CTNND2: variants seen among roughly 807,000 people sequenced by gnomAD.
CTNND2 encodes catenin delta 2, also known as catenin delta-2.
A neutral mutation model predicts 144.4 loss-of-function variants in CTNND2; 22 were observed. The ratio of observed to expected loss-of-function variants is 0.15; its 90% confidence interval spans 0.11 to 0.22. The LOEUF (loss-of-function observed/expected upper bound fraction) is 0.22, where lower values mean the gene tolerates loss of function less well. CTNND2 is among the 10% of genes least tolerant of loss of function. The pLI, the probability that CTNND2 is intolerant of heterozygous loss-of-function variation, is 1.00. For missense variants in CTNND2, 1,353 were observed against 1,618.8 expected, an observed-to-expected ratio of 0.84 and a Z score of 2.82; for synonymous variants, 751 against 695.6, an observed-to-expected ratio of 1.08 and a Z score of -1.25.
At chr5:11,729,240 T>C (rs1206745398) in intron 2 of CTNND2, among the ~76,000 whole-genome samples, 1 of 152,136 alleles carries the variant, frequency 6.6e-6, no homozygotes, top group Non-Finnish European at 1.5e-5. Flanking sequence ...AATACATTTT[T>C]TAATTCCTCA....
intron 2 of CTNND2, among the ~76,000 whole-genome samples, chr5:11,599,066 A>T (rs1109298): frequency 0.5 from 75,382 of 151,906 alleles, 19,591 homozygotes; most frequent in Middle Eastern, 0.7. Context: ...TCAGATGTCA[A>T]GAGAACTCTA....
intron 9 of CTNND2, among the ~76,000 whole-genome samples, chr5:11,250,838 A>T (rs926720377): frequency 2.6e-5 from 4 of 152,110 alleles, no homozygotes; most frequent in Non-Finnish European, 5.9e-5. Context: ...ATAATTTAAA[A>T]TGAGGTAGAG....
chr5:11,025,109 A>AT (rs61750358), intron 16 of CTNND2, among the ~76,000 whole-genome samples: 4,809 of 152,174 alleles, frequency 0.032, 122 homozygotes, highest in East Asian at 0.093. Context: ...GCAATTGGAG[A>AT]TTTTTCATTA....
chr5:11,071,546 T>C (rs1371832515), intron 16 of CTNND2, among the ~76,000 whole-genome samples: 3 of 148,674 alleles, frequency 2.0e-5, no homozygotes, highest in East Asian at 2.0e-4. Context: ...TGAGACCCTG[T>C]CTTCAAAAAT....
At chr5:11,040,279 C>T (rs1018347249) in intron 16 of CTNND2, among the ~76,000 whole-genome samples, 3 of 151,962 alleles carry the variant, frequency 2.0e-5, no homozygotes, top group Non-Finnish European at 4.4e-5. Flanking sequence ...AAGCACAGAC[C>T]TGTAGCACAT....
intron 11 of CTNND2, among the ~76,000 whole-genome samples, chr5:11,162,634 A>G (rs912282615): frequency 1.3e-5 from 2 of 152,098 alleles, no homozygotes; most frequent in African/African-American, 4.8e-5. Flanking sequence ...ATGAATCTCT[A>G]TCAAGCAACT....
In CTNND2 at chr5:11,412,047, A is replaced by C. The variant is rs747520590; in HGVS notation, c.310T>G (p.Trp104Gly). The change falls in exon 4 of 22, where the codon TGG becomes GGG. Residue 104 changes from tryptophan to glycine, a missense_variant. Around this residue, in one of 4 missense-constraint regions of CTNND2, gnomAD observed 708 missense variants for 706.4 expected, o/e 1.00. Coordinates refer to ENST00000304623, the MANE Select transcript of CTNND2 (RefSeq NM_001332.4). ...SMSSAEEQFQWQSQDGQKDIE... is the reference protein window; with the variant it reads ...SMSSAEEQFQGQSQDGQKDIE... Reference sequence around the variant, plus strand: ...AGATAGACATTACCTTGTGACTGCCACTGAAACTGCTCTTCTGCTGAACTG... The same window carrying C: ...AGATAGACATTACCTTGTGACTGCCCCTGAAACTGCTCTTCTGCTGAACTG... 4 of 1,611,186 alleles carry C rather than the reference A, an allele frequency of 2.5e-6. No individual in the cohort carries two copies. In the African/African-American group the frequency reaches 5.3e-5, roughly 22 times the overall value.
intron 5 of CTNND2, 76 bp from the exon 6 acceptor site, chr5:11,397,279 T>G: frequency 1.6e-6 from 2 of 1,220,844 alleles, no homozygotes; most frequent in East Asian, 2.5e-5. Context: ...TTATTGAGAG[T>G]AGCCTAGAAT....
chr5:11,766,770 A>G (rs1213781689), intron 1 of CTNND2, among the ~76,000 whole-genome samples: 2 of 152,094 alleles, frequency 1.3e-5, no homozygotes, highest in African/African-American at 4.8e-5. Flanking sequence ...TAATAATAAT[A>G]ACACGCTGTG....
intron 1 of CTNND2, among the ~76,000 whole-genome samples, chr5:11,895,805 A>T (rs1267391483): frequency 1.3e-5 from 2 of 152,226 alleles, no homozygotes; most frequent in East Asian, 3.8e-4. Flanking sequence ...ATATAAAAAG[A>T]TAATTCACAA....
intron 19 of CTNND2, among the ~76,000 whole-genome samples, chr5:10,991,629 T>A (rs1454470118): frequency 1.3e-5 from 2 of 152,254 alleles, no homozygotes; most frequent in Non-Finnish European, 2.9e-5. Flanking sequence ...AAAAATCAAG[T>A]ATTTTTACGA....
intron 3 of CTNND2, among the ~76,000 whole-genome samples, chr5:11,494,206 C>T (rs2149998125): frequency 6.6e-6 from 1 of 152,234 alleles, no homozygotes; most frequent in Admixed American, 6.5e-5. Flanking sequence ...ACAATCACTG[C>T]TAATAGATTA....
At chr5:11,598,992 G>A (rs769675687) in intron 2 of CTNND2, among the ~76,000 whole-genome samples, 5 of 152,148 alleles carry the variant, frequency 3.3e-5, no homozygotes, top group Non-Finnish European at 7.3e-5. Context: ...GCCTTACATG[G>A]CAGCAGGAGA....
At chr5:11,298,372 T>C (rs990548373) in intron 9 of CTNND2, among the ~76,000 whole-genome samples, 32 of 152,160 alleles carry the variant, frequency 2.1e-4, no homozygotes, top group African/African-American at 7.2e-4. Context: ...GGACTTGCTA[T>C]GTTGCTCAGG....
intron 11 of CTNND2, among the ~76,000 whole-genome samples, chr5:11,192,546 A>T (rs1736396347): frequency 6.6e-6 from 1 of 152,164 alleles, no homozygotes. Context: ...CGGGGCTTTA[A>T]AAGTAGAGAA....
chr5:11,181,655 A>T (rs998122464), intron 11 of CTNND2, among the ~76,000 whole-genome samples: 17 of 150,446 alleles, frequency 1.1e-4, no homozygotes, highest in Non-Finnish European at 1.5e-5. Flanking sequence ...CTCCGTGTGT[A>T]TGTGTGTGTG....
At chr5:11,774,671 C>A (rs963533490) in intron 1 of CTNND2, among the ~76,000 whole-genome samples, 4 of 151,820 alleles carry the variant, frequency 2.6e-5, no homozygotes, top group Non-Finnish European at 5.9e-5. Flanking sequence ...GTATGTATCT[C>A]AGTCTTGATT....
At chr5:11,835,845 T>C (rs1191822852) in intron 1 of CTNND2, among the ~76,000 whole-genome samples, 1 of 152,206 alleles carries the variant, frequency 6.6e-6, no homozygotes, top group Admixed American at 6.5e-5. Context: ...TCTTTCTGTT[T>C]GTTTTGGTTT....
At chr5:11,279,780 G>A (rs1431098870) in intron 9 of CTNND2, among the ~76,000 whole-genome samples, 2 of 152,164 alleles carry the variant, frequency 1.3e-5, no homozygotes, top group Non-Finnish European at 2.9e-5. Flanking sequence ...GGTGAAGTGG[G>A]AGCAGACACA....
Sources: allele counts gnomAD v4.1 joint callset (sites outside exome capture counted in the v4.1 genomes callset), GRCh38; gene constraint gnomAD v4.1.1; regional missense constraint gnomAD v4.1.1; transcripts MANE v1.5; gene names NCBI Gene and HGNC (gene_info 2026-07-23, HGNC 2026-07-21).